Variants in APOBEC1 observed in about 807,000 individuals in gnomAD.
APOBEC1 encodes the protein apolipoprotein B mRNA editing enzyme catalytic subunit 1.
A neutral mutation model predicts 26.3 loss-of-function variants in APOBEC1; 22 were observed. The ratio of observed to expected loss-of-function variants is 0.84; its 90% confidence interval spans 0.60 to 1.19. The LOEUF is 1.19. APOBEC1 is among the 50% of genes most tolerant of loss of function. The pLI is 0.00. For missense variants in APOBEC1, 253 were observed against 289.0 expected, an observed-to-expected ratio of 0.88 and a Z score of 0.90; for synonymous variants, 77 against 95.3, an observed-to-expected ratio of 0.81 and a Z score of 1.12.
upstream of APOBEC1, among the ~76,000 whole-genome samples, chr12:7,668,301 G>A (rs1197219808): frequency 1.3e-5 from 2 of 152,148 alleles, no homozygotes; most frequent in Admixed American, 6.6e-5. Context: ...TCAGCTTAGT[G>A]AGACCTGTTT....
chr12:7,654,398 G>A (rs1175048207), intron 2 of APOBEC1, among the ~76,000 whole-genome samples: 2 of 148,346 alleles, frequency 1.3e-5, no homozygotes, highest in African/African-American at 5.0e-5. Flanking sequence ...TTGAGACAGG[G>A]TCTCAGTCTG....
intron 4 of APOBEC1, 22 bp downstream of exon 4, chr12:7,651,001 T>C (rs756636866): frequency 1.3e-6 from 2 of 1,528,328 alleles, no homozygotes; most frequent in East Asian, 4.5e-5. Flanking sequence ...GCATCAACAT[T>C]TGTGTCCCTA....
At chr12:7,659,948 G>A (rs930338145) in intron 1 of APOBEC1, among the ~76,000 whole-genome samples, 1 of 152,022 alleles carries the variant, frequency 6.6e-6, no homozygotes, top group African/African-American at 2.4e-5. Flanking sequence ...CAGCCTGGGC[G>A]ACAGAGCGAG....
intron 1 of APOBEC1, among the ~76,000 whole-genome samples, chr12:7,659,322 A>AATAAAAT (rs1863768560): frequency 2.2e-5 from 1 of 46,280 alleles, no homozygotes; most frequent in Non-Finnish European, 3.3e-5. Flanking sequence ...AAAAAAAAAA[A>AATAAAAT]ATATATATAT....
intron 1 of APOBEC1, among the ~76,000 whole-genome samples, chr12:7,658,899 GC>G (rs1043810703): frequency 2.7e-5 from 4 of 148,648 alleles, no homozygotes; most frequent in East Asian, 2.0e-4. Flanking sequence ...GTTGCGGTGA[GC>G]CCAGATCATG....
chr12:7,659,453 A>G (rs1218618598), intron 1 of APOBEC1, among the ~76,000 whole-genome samples: 1 of 149,864 alleles, frequency 6.7e-6, no homozygotes, highest in Admixed American at 6.7e-5. Flanking sequence ...AATTTGCACC[A>G]GGGAGATACA....
chr12:7,651,386 G>C (rs370297776), intron 3 of APOBEC1, among the ~76,000 whole-genome samples: 37 of 152,038 alleles, frequency 2.4e-4, no homozygotes, highest in Admixed American at 1.1e-3. Flanking sequence ...GAGGCCGAGG[G>C]GGGTGGATCA....
upstream of APOBEC1, among the ~76,000 whole-genome samples, chr12:7,669,028 G>A (rs955723882): frequency 6.6e-6 from 1 of 152,020 alleles, no homozygotes; most frequent in South Asian, 2.1e-4. Context: ...CACCATGCCT[G>A]GCCAGCACCC....
chr12:7,669,365 G>C (rs1452628630), upstream of APOBEC1, among the ~76,000 whole-genome samples: 1 of 152,048 alleles, frequency 6.6e-6, no homozygotes, highest in Non-Finnish European at 1.5e-5. Flanking sequence ...CCATTGCATA[G>C]GTATGCTACG....
chr12:7,660,330 GGAAGGGAAGGAA>G lies in APOBEC1; in HGVS notation c.16+5515_16+5526del, dbSNP rs1320195373. ...AAAAAGAAAGGAAGGAAGGAAGGAA[GGAAGGGAAGGAA>G]GGAAGGAAGGAAGGAAGGAAGGAAG... On this transcript the variant is annotated intron_variant, in intron 1 of 4. Coordinates refer to ENST00000229304, the MANE Select transcript of APOBEC1 (RefSeq NM_001644.5). Among the ~76,000 whole-genome samples the G allele has an allele frequency of 5.0e-3, 571 of 114,206 alleles. 4 individuals carry two copies. Among genetic ancestry groups the G allele is most frequent in the South Asian group, 8.7e-3 (24 of 2,772 alleles). The allele number at this position is 114,206 out of a possible 152,430, so 74.9% of individuals were successfully genotyped here.
chr12:7,669,040 C>T (rs6488566), upstream of APOBEC1, among the ~76,000 whole-genome samples: 1,612 of 152,052 alleles, frequency 0.011, 37 homozygotes, highest in African/African-American at 0.036. Context: ...CCAGCACCCC[C>T]CAATTCTGTG....
intron 1 of APOBEC1, among the ~76,000 whole-genome samples, chr12:7,659,115 A>G (rs1863759063): frequency 6.7e-6 from 1 of 148,860 alleles, no homozygotes; most frequent in South Asian, 2.1e-4. Context: ...ACCAACATGG[A>G]GAAACCCTGT....
chr12:7,653,140 C>T (rs904203034), intron 2 of APOBEC1, among the ~76,000 whole-genome samples: 15 of 152,150 alleles, frequency 9.9e-5, no homozygotes, highest in African/African-American at 3.1e-4. Flanking sequence ...CCATGTTGGC[C>T]AGGCTGGTCT....
At chr12:7,659,294 CAAAAAAAAAAAAA>C (rs1163730869) in intron 1 of APOBEC1, among the ~76,000 whole-genome samples, 68 of 16,530 alleles carry the variant, frequency 4.1e-3, no homozygotes, top group Middle Eastern at 0.1. Context: ...AACTCCCTCT[CAAAAAAAAAAAAA>C]AAAAAAAAAA....
chr12:7,656,923 C>T (rs1592059506), intron 1 of APOBEC1, among the ~76,000 whole-genome samples: 2 of 152,150 alleles, frequency 1.3e-5, no homozygotes, highest in South Asian at 4.2e-4. Flanking sequence ...AGGTGAGAGC[C>T]TCCTGTGTAA....
chr12:7,653,236 C>A (rs1863671793), intron 2 of APOBEC1, among the ~76,000 whole-genome samples: 2 of 152,102 alleles, frequency 1.3e-5, no homozygotes, highest in Non-Finnish European at 2.9e-5. Context: ...AGCCTCTGCT[C>A]CCCTCTTCTA....
chr12:7,652,509 T>G lies in APOBEC1; in HGVS notation c.371A>C (p.Asp124Ala). ...IYVARLFWHM[D>A]QQNRQGLRDL... ...CCTGAGACCTTGCCGATTTTGTTGA[T>G]CCATGTGCCAAAAAAGCCGAGCTAC... The change falls in exon 3 of 5, where the codon GAT becomes GCT. Residue 124 changes from aspartate to alanine, a missense_variant. Physicochemically the swap from Asp to Ala is moderately radical, Grantham distance 126. Transcript: ENST00000229304. The G allele has an allele frequency of 4.3e-6, 7 of 1,614,082 alleles. No homozygotes were observed. The highest frequency in any genetic ancestry group is 5.9e-6 in the Non-Finnish European group (7 of 1,180,008).
chr12:7,656,792 C>T (rs1284908357), intron 1 of APOBEC1, among the ~76,000 whole-genome samples: 1 of 152,196 alleles, frequency 6.6e-6, no homozygotes, highest in Admixed American at 6.5e-5. Flanking sequence ...GCAGATGCTT[C>T]ATAAACGTTA....
chr12:7,656,220 TCCCCTGCATGA>T (rs147788238), intron 1 of APOBEC1, among the ~76,000 whole-genome samples: 18,908 of 152,008 alleles, frequency 0.12, 1,230 homozygotes, highest in South Asian at 0.22. Flanking sequence ...GGCCTGCTGC[TCCCCTGCATGA>T]CCCTGGTCAG....
Sources: allele counts gnomAD v4.1 joint callset (sites outside exome capture counted in the v4.1 genomes callset), GRCh38; gene constraint gnomAD v4.1.1; transcripts MANE v1.5; gene names NCBI Gene and HGNC (gene_info 2026-07-23, HGNC 2026-07-21).